The following GLB1L2 variants were observed in gnomAD, a reference collection of about 807,000 sequenced individuals.
GLB1L2 encodes the protein beta-galactosidase-1-like protein 2.
GLB1L2 carries 68 observed loss-of-function variants against 84.1 expected under a neutral mutation model. The ratio of observed to expected loss-of-function variants is 0.81; its 90% CI spans 0.67 to 0.99. The LOEUF is 0.99. Among genes scored for constraint, GLB1L2 ranks in the 50% least tolerant of loss-of-function variants. The pLI is 0.00. For missense variants in GLB1L2, 762 were observed against 805.6 expected (o/e 0.95, Z 0.66); for synonymous variants, 290 against 318.0 (o/e 0.91, Z 0.94).
intron 17 of GLB1L2, 126 bp downstream of exon 17, chr11:134,374,382 C>A (rs536242823): frequency 1.2e-6 from 1 of 840,830 alleles, no homozygotes; most frequent in African/African-American, 1.7e-5. Flanking sequence ...CTGAGAGGGC[C>A]GCTGGGGCCT....
intron 5 of GLB1L2, among the ~76,000 whole-genome samples, chr11:134,348,340 A>T (rs945666512): frequency 1.3e-5 from 2 of 152,124 alleles, no homozygotes; most frequent in African/African-American, 4.8e-5. Context: ...ATTTTTGTTT[A>T]CTAAATCCGG....
intron 1 of GLB1L2, among the ~76,000 whole-genome samples, chr11:134,340,815 A>AT (rs892720419): frequency 2.0e-5 from 3 of 152,194 alleles, no homozygotes; most frequent in Non-Finnish European, 4.4e-5. Context: ...AGTTCATATA[A>AT]TTTTTTATGT....
At chr11:134,365,304 G>A (rs1010395933) in intron 8 of GLB1L2, among the ~76,000 whole-genome samples, 5 of 152,210 alleles carry the variant, frequency 3.3e-5, no homozygotes, top group Admixed American at 6.5e-5. Flanking sequence ...GGCTGGCCCC[G>A]CTCCCAGGCA....
At chr11:134,362,113 T>C (rs548593756) in intron 7 of GLB1L2, among the ~76,000 whole-genome samples, 14 of 152,350 alleles carry the variant, frequency 9.2e-5, no homozygotes, top group African/African-American at 3.4e-4. Context: ...TGTCTACGTC[T>C]TTTCTGTTCT....
intron 5 of GLB1L2, among the ~76,000 whole-genome samples, chr11:134,352,869 A>G (rs1943652268): frequency 6.6e-6 from 1 of 151,974 alleles, no homozygotes; most frequent in African/African-American, 2.4e-5. Context: ...GCTGGTCTTG[A>G]ACTCCCTATC....
intron 10 of GLB1L2, among the ~76,000 whole-genome samples, chr11:134,369,432 C>T (rs566884540): frequency 9.7e-5 from 14 of 143,922 alleles, no homozygotes; most frequent in Non-Finnish European, 1.8e-4. Context: ...TGGCCTCGAG[C>T]GATCCTCCTG....
intron 1 of GLB1L2, 32 bp downstream of exon 1, chr11:134,332,179 A>ACCGC (rs1209949507): frequency 1.4e-6 from 2 of 1,433,472 alleles, no homozygotes; most frequent in South Asian, 2.5e-5. Flanking sequence ...CACCTGCCGG[A>ACCGC]CCCCACATTC....
intron 8 of GLB1L2, among the ~76,000 whole-genome samples, chr11:134,365,782 C>T (rs1287046914): frequency 2.0e-5 from 3 of 152,164 alleles, no homozygotes; most frequent in Non-Finnish European, 4.4e-5. Flanking sequence ...TGGACACCTC[C>T]CTGTTTAAAT....
intron 5 of GLB1L2, among the ~76,000 whole-genome samples, chr11:134,350,647 T>G (rs1022298822): frequency 3.3e-5 from 5 of 152,374 alleles, no homozygotes; most frequent in African/African-American, 1.2e-4. Context: ...AGATCACTGT[T>G]AAAATTTCGT....
chr11:134,374,872 G>C (rs751989987), intron 18 of GLB1L2, 100 bp from the exon 19 acceptor site: 32 of 1,294,480 alleles, frequency 2.5e-5, no homozygotes, highest in Non-Finnish European at 3.5e-5. Context: ...TTCCAGCCTG[G>C]TTCCCAAACC....
intron 4 of GLB1L2, 37 bp from the exon 5 acceptor site, chr11:134,347,288 C>G: frequency 6.7e-7 from 1 of 1,503,036 alleles, no homozygotes; most frequent in Non-Finnish European, 9.3e-7. Context: ...CCCACTGTGA[C>G]ACTAACATCC....
At position 134,364,412 on chromosome 11, in the gene GLB1L2, C is replaced by T. The variant is rs1943838080; in HGVS notation, c.804+14C>T. 1.9e-6 allele frequency: 3 copies of T among 1,609,942 alleles called. No individual in the cohort carries two copies. Among genetic ancestry groups the T allele is most frequent in the East Asian group, 2.2e-5 (1 of 44,866 alleles). On this transcript the variant is annotated intron_variant, in intron 8 of 18. Coordinates refer to ENST00000535456, the MANE Select transcript of GLB1L2 (RefSeq NM_001370461.1). Reference sequence around the variant, plus strand: ...TTCAACGTCCAGGTAAGTCCAGCCCCAGGGAAGCTGCGGCCCGCCCTGCTC... The same window carrying T: ...TTCAACGTCCAGGTAAGTCCAGCCCTAGGGAAGCTGCGGCCCGCCCTGCTC...
At chr11:134,350,551 G>A (rs1565436812) in intron 5 of GLB1L2, among the ~76,000 whole-genome samples, 1 of 152,178 alleles carries the variant, frequency 6.6e-6, no homozygotes, top group Admixed American at 6.5e-5. Flanking sequence ...CTGCCTTAAT[G>A]CGTCTTTTGG....
At chr11:134,367,638 G>C (rs568110075) in intron 9 of GLB1L2, among the ~76,000 whole-genome samples, 1 of 152,296 alleles carries the variant, frequency 6.6e-6, no homozygotes, top group African/African-American at 2.4e-5. Context: ...AGAGCACAGA[G>C]AAAACACTTA....
rs755178898 is a variant in GLB1L2 at position 134,371,753 on chromosome 11, G to T, written c.1430G>T (p.Gly477Val). The T allele has an allele frequency of 9.9e-6, 16 of 1,613,982 alleles. No individual in the cohort carries two copies. The highest frequency in any genetic ancestry group is 1.3e-5 in the Non-Finnish European group (15 of 1,180,026). The change falls in exon 15 of 19, where the codon GGT becomes GTT. Residue 477 changes from glycine (G) to valine (V), a missense_variant and splice_region_variant. By Grantham distance (109) the Gly-to-Val change is moderately radical (BLOSUM62 -3). Transcript: ENST00000535456. ...TCGTTAGCCCCGTGTTCCCGGCAGG[G>T]TTACACCGTGCTGAGGATCTTGGTG... ...TTKIAVPLIQ[G>V]YTVLRILVEN... is the part of the protein sequence containing the mutation.
In GLB1L2 at chr11:134,339,777, G is replaced by C. The variant is rs943583433; in HGVS notation, c.87-2977G>C. Among the ~76,000 whole-genome samples the C allele has an allele frequency of 7.9e-5, 12 of 152,134 alleles. 1 individual carries two copies. Among genetic ancestry groups the C allele is most frequent in the Admixed American group, 6.6e-4 (10 of 15,262 alleles). The stretch of plus-strand genomic sequence containing the variant: ...TGGTTAGAATGCAGATTTTGATTCA[G>C]TAGGTCTCAAGTAAGGCTTAAGGTT... On this transcript the variant is annotated intron_variant, in intron 1 of 18. Coordinates refer to ENST00000535456, the MANE Select transcript of GLB1L2 (RefSeq NM_001370461.1). This position sits in a 1 kb window ranked among gnomAD's most constrained non-coding sequence, Gnocchi z 5.7.
At chr11:134,355,368 A>G (rs1943687365) in intron 5 of GLB1L2, among the ~76,000 whole-genome samples, 1 of 152,112 alleles carries the variant, frequency 6.6e-6, no homozygotes, top group South Asian at 2.1e-4. Context: ...TTGATGAGTC[A>G]TACTTCCCTG....
Position 134,374,214 on chromosome 11 carries a change from G to T in GLB1L2, c.1665G>T (p.Leu555Phe), listed in dbSNP as rs1282379299. The change falls in exon 17 of 19, where the codon TTG becomes TTT. Residue 555 changes from leucine (L) to phenylalanine (F), a missense_variant. Coordinates refer to ENST00000535456, the MANE Select transcript of GLB1L2 (RefSeq NM_001370461.1). ...TACCTGCTTTCTTCTTGGGTAGCTT[G>T]TCCATCAGCTCCACCCCTTGTGACA... ...PTLPAFFLGS[L>F]SISSTPCDTF... 3.7e-6 allele frequency: 6 copies of T among 1,614,102 alleles called. No individual in the cohort carries two copies. The South Asian group carries it at 6.6e-5, about 18-fold the overall frequency.
intron 6 of GLB1L2, among the ~76,000 whole-genome samples, chr11:134,358,428 CAG>C (rs1261789892): frequency 6.6e-6 from 1 of 152,258 alleles, no homozygotes; most frequent in Non-Finnish European, 1.5e-5. Flanking sequence ...CTGCGGATGT[CAG>C]GGGACGCTCT....
Sources: allele counts gnomAD v4.1 joint callset (sites outside exome capture counted in the v4.1 genomes callset), GRCh38; gene constraint gnomAD v4.1.1; non-coding constraint Gnocchi (gnomAD v3.1); transcripts MANE v1.5; gene names NCBI Gene and HGNC (gene_info 2026-07-23, HGNC 2026-07-21).